Variants in CDC73 observed in about 807,000 individuals in gnomAD.
CDC73 encodes the protein parafibromin.
A neutral mutation model predicts 83.7 loss-of-function variants in CDC73; 21 were observed. The observed-to-expected ratio is 0.25, with a 90% confidence interval of 0.18 to 0.36. The LOEUF (loss-of-function observed/expected upper bound fraction) is 0.36, where lower values mean the gene tolerates loss of function less well. Ranked by LOEUF, CDC73 falls within the 10% of genes least tolerant of loss-of-function variation. The pLI is 1.00. For synonymous variants in CDC73, 224 were observed against 212.9 expected, an observed-to-expected ratio of 1.05 and a Z score of -0.45; for missense variants, 342 against 653.3, an observed-to-expected ratio of 0.52 and a Z score of 5.19.
Position 193,122,542 on chromosome 1 carries a change from T to C in CDC73, c.131+211T>C, listed in dbSNP as rs1380083172. 1.4e-5 allele frequency: 8 copies of C among 557,920 alleles called. No homozygotes were observed. The Admixed American group carries it at 2.2e-4, about 15-fold the overall frequency. 34.6% of individuals were successfully genotyped at this position (557,920 alleles called of 1,614,324 possible). On this transcript the variant is annotated intron_variant, in intron 1 of 16. Coordinates refer to ENST00000367435, the MANE Select transcript of CDC73 (RefSeq NM_024529.5). ...TAGAGCAGTTCATCACTTAAAATTT[T>C]TGAGAAGCCCAAAGGAAAGGTACCG...
intron 10 of CDC73, among the ~76,000 whole-genome samples, chr1:193,162,326 C>G (rs542802847): frequency 7.7e-6 from 1 of 129,410 alleles, no homozygotes; most frequent in South Asian, 2.3e-4. Context: ...ATCATATATA[C>G]TATATACTAT....
At chr1:193,204,238 C>T (rs1490482155) in intron 11 of CDC73, among the ~76,000 whole-genome samples, 3 of 129,170 alleles carry the variant, frequency 2.3e-5, no homozygotes, top group South Asian at 2.5e-4. Context: ...TATATATACA[C>T]GTATATATAT....
chr1:193,212,699 G>GA (rs1280808310), intron 13 of CDC73, among the ~76,000 whole-genome samples: 1 of 151,996 alleles, frequency 6.6e-6, no homozygotes, highest in East Asian at 1.9e-4. Context: ...AAGTCCTAAT[G>GA]AAAAAAGGTA....
At chr1:193,237,702 A>G (rs1462404168) in intron 15 of CDC73, among the ~76,000 whole-genome samples, 1 of 152,090 alleles carries the variant, frequency 6.6e-6, no homozygotes, top group African/African-American at 2.4e-5. Flanking sequence ...AATCTGTAAT[A>G]AAAAGATGCT....
chr1:193,148,080 C>T (rs902586584), intron 8 of CDC73, 115 bp downstream of exon 8: 2 of 761,680 alleles, frequency 2.6e-6, no homozygotes, highest in Non-Finnish European at 4.7e-6. Flanking sequence ...AAACCTTTTG[C>T]TCCTTTAGCA....
Position 193,136,042 on chromosome 1 carries a change from A to AT in CDC73, c.423+463dup, listed in dbSNP as rs1000499641. Among the ~76,000 whole-genome samples, 84 of 147,378 alleles carry AT rather than the reference A, an allele frequency of 5.7e-4. No individual in the cohort carries two copies. The East Asian group carries it at 0.013, about 22-fold the overall frequency. ...TGCCACCATGCCCAGTTAATTTTTG[A>AT]TTTTTTTTTTAATAGAGACAGGGTT... is the stretch of plus-strand genomic sequence containing the variant. On this transcript the variant is annotated intron_variant, in intron 5 of 16. Coordinates refer to ENST00000367435, the MANE Select transcript of CDC73 (RefSeq NM_024529.5).
intron 8 of CDC73, among the ~76,000 whole-genome samples, chr1:193,148,574 A>T (rs1256679455): frequency 6.6e-6 from 1 of 151,892 alleles, no homozygotes; most frequent in East Asian, 1.9e-4. Context: ...AATAAAACAT[A>T]CAAATGAAAT....
intron 1 of CDC73, among the ~76,000 whole-genome samples, chr1:193,124,623 G>A (rs1328592770): frequency 5.3e-5 from 8 of 152,154 alleles, no homozygotes; most frequent in African/African-American, 1.9e-4. Context: ...CTAATTTGAG[G>A]GATGCCATAA....
intron 7 of CDC73, among the ~76,000 whole-genome samples, chr1:193,144,748 G>T (rs1675965769): frequency 6.6e-6 from 1 of 151,904 alleles, no homozygotes; most frequent in Non-Finnish European, 1.5e-5. Context: ...GCCGTTGTGT[G>T]AAGTATGAAC....
chr1:193,193,940 G>A (rs775496906), intron 10 of CDC73, among the ~76,000 whole-genome samples: 1 of 151,990 alleles, frequency 6.6e-6, no homozygotes, highest in Non-Finnish European at 1.5e-5. Flanking sequence ...TTTAAAGCTT[G>A]TAATGTTGTT....
chr1:193,235,147 A>G (rs746713277), intron 14 of CDC73, among the ~76,000 whole-genome samples: 2 of 152,196 alleles, frequency 1.3e-5, no homozygotes, highest in African/African-American at 4.8e-5. Flanking sequence ...AACTATTTTC[A>G]TAATAATACT....
chr1:193,189,250 A>G (rs2096353), intron 10 of CDC73, among the ~76,000 whole-genome samples: 148,349 of 152,272 alleles, frequency 0.97, 72,290 homozygotes, highest in East Asian at 1. Flanking sequence ...CACAGTGCCC[A>G]GCCAACCTGT....
At chr1:193,136,425 ATGATAATT>A in intron 5 of CDC73, 1 of 234,320 alleles carries the variant, frequency 4.3e-6, no homozygotes, top group South Asian at 4.0e-5. Flanking sequence ...AGAGATAATG[ATGATAATT>A]GATTCATTGT....
At chr1:193,238,398 T>TG (rs1429519527) in intron 15 of CDC73, among the ~76,000 whole-genome samples, 2 of 152,240 alleles carry the variant, frequency 1.3e-5, no homozygotes, top group Non-Finnish European at 2.9e-5. Context: ...GTCTGGCTCT[T>TG]GCTCTGTACT....
chr1:193,214,809 A>G (rs568208981), intron 13 of CDC73, among the ~76,000 whole-genome samples: 12 of 152,346 alleles, frequency 7.9e-5, no homozygotes, highest in Admixed American at 7.8e-4. Context: ...ATAAGTTTTA[A>G]TGTTTTTCTA....
At chr1:193,182,531 C>T (rs1452151583) in intron 10 of CDC73, among the ~76,000 whole-genome samples, 1 of 152,052 alleles carries the variant, frequency 6.6e-6, no homozygotes, top group African/African-American at 2.4e-5. Context: ...GAATTTCACA[C>T]AATATATTTT....
chr1:193,241,119 A>G (rs1677848901), intron 15 of CDC73, among the ~76,000 whole-genome samples: 1 of 152,154 alleles, frequency 6.6e-6, no homozygotes, highest in Non-Finnish European at 1.5e-5. Flanking sequence ...TGATATCTGC[A>G]CATCTGGTAT....
At chr1:193,230,405 C>T (rs1677640864) in intron 13 of CDC73, among the ~76,000 whole-genome samples, 2 of 151,760 alleles carry the variant, frequency 1.3e-5, no homozygotes, top group South Asian at 4.2e-4. Context: ...CCTTGGCCCC[C>T]CAAAGTGCTG....
chr1:193,174,115 A>C (rs1241022794), intron 10 of CDC73, among the ~76,000 whole-genome samples: 1 of 151,908 alleles, frequency 6.6e-6, no homozygotes, highest in Non-Finnish European at 1.5e-5. Flanking sequence ...CTAAAGGGGC[A>C]GTACATATTA....
Sources: gnomAD v4.1 joint callset for allele counts (sites outside exome capture counted in the v4.1 genomes callset) on GRCh38, gnomAD v4.1.1 for gene constraint, MANE v1.5 for transcripts, NCBI Gene and HGNC (gene_info 2026-07-23, HGNC 2026-07-21) for gene names.